NDUFV3: variants seen among roughly 807,000 people sequenced by gnomAD.
The protein encoded by NDUFV3 is NADH dehydrogenase [ubiquinone] flavoprotein 3, mitochondrial.
Under a neutral mutation model 37.5 loss-of-function variants are expected in NDUFV3, and 44 were observed. The ratio of observed to expected loss-of-function variants is 1.17; its 90% CI spans 0.92 to 1.51. The LOEUF (loss-of-function observed/expected upper bound fraction) is 1.51, where lower values mean the gene tolerates loss of function less well. NDUFV3 is among the 40% of genes most tolerant of loss of function. The pLI, the probability that NDUFV3 is intolerant of heterozygous loss-of-function variation, is 0.00. For synonymous variants in NDUFV3, 235 were observed against 239.3 expected (o/e 0.98, Z 0.17); for missense variants, 580 against 580.4 (o/e 1.00, Z 0.01).
At chr21:42,908,737 C>T (rs1355929211) in intron 3 of NDUFV3, 127 bp from the exon 4 acceptor site, 4 of 1,085,058 alleles carry the variant, frequency 3.7e-6, no homozygotes, top group Non-Finnish European at 5.5e-6. Flanking sequence ...CCAAGTCATT[C>T]ATAAAGAGCT....
intron 2 of NDUFV3, among the ~76,000 whole-genome samples, chr21:42,899,358 G>A (rs1217316363): frequency 2.1e-5 from 3 of 140,784 alleles, no homozygotes; most frequent in Non-Finnish European, 4.5e-5. Context: ...CAACCTCTCC[G>A]CCTCCCTGAT....
intron 1 of NDUFV3, 63 bp from the exon 2 acceptor site, chr21:42,896,864 T>C (rs1478633102): frequency 2.0e-6 from 3 of 1,511,682 alleles, no homozygotes; most frequent in African/African-American, 2.8e-5. Flanking sequence ...TATATTCATA[T>C]ATAGTACCAG....
intron 2 of NDUFV3, among the ~76,000 whole-genome samples, chr21:42,899,701 C>T (rs965755122): frequency 2.0e-5 from 3 of 152,170 alleles, no homozygotes; most frequent in Non-Finnish European, 4.4e-5. Flanking sequence ...CCTTGGCCTC[C>T]CAAAGTGCTG....
At chr21:42,897,682 A>C (rs1431498061) in intron 2 of NDUFV3, among the ~76,000 whole-genome samples, 1 of 137,866 alleles carries the variant, frequency 7.3e-6, no homozygotes, top group Non-Finnish European at 1.6e-5. Flanking sequence ...CTAAATCTTT[A>C]ATTCTTTTTT....
chr21:42,894,451 A>G (rs1379585904), intron 1 of NDUFV3, among the ~76,000 whole-genome samples: 2 of 48,656 alleles, frequency 4.1e-5, no homozygotes, highest in Non-Finnish European at 6.5e-5. Context: ...TAATATATAT[A>G]ATATGTTTAT....
chr21:42,893,519 C>T (rs1055471668), intron 1 of NDUFV3, 138 bp downstream of exon 1: 3 of 1,024,942 alleles, frequency 2.9e-6, no homozygotes, highest in Non-Finnish European at 2.9e-6. Flanking sequence ...ACCCCGCTCC[C>T]TGGGCCCAGG....
At chr21:42,906,420 T>C (rs1022737392) in intron 3 of NDUFV3, among the ~76,000 whole-genome samples, 1 of 152,140 alleles carries the variant, frequency 6.6e-6, no homozygotes, top group Non-Finnish European at 1.5e-5. Context: ...TCTATGTGTT[T>C]TCCCCCCTCT....
chr21:42,898,327 G>A (rs986841494), intron 2 of NDUFV3, among the ~76,000 whole-genome samples: 2 of 151,790 alleles, frequency 1.3e-5, no homozygotes, highest in African/African-American at 4.8e-5. Flanking sequence ...CTCTCTCCCA[G>A]GCTGGAGTGC....
chr21:42,903,115 G>A (rs2058723794), intron 2 of NDUFV3, 67 bp from the exon 3 acceptor site: 2 of 1,586,768 alleles, frequency 1.3e-6, no homozygotes, highest in East Asian at 2.3e-5. Flanking sequence ...GTCATGAAAT[G>A]TCTGTAATTT....
At chr21:42,901,825 G>A (rs909279066) in intron 2 of NDUFV3, among the ~76,000 whole-genome samples, 1 of 152,174 alleles carries the variant, frequency 6.6e-6, no homozygotes, top group African/African-American at 2.4e-5. Context: ...GAGAAGCCTG[G>A]ATTTGAACCC....
chr21:42,910,486 GAA>G lies in NDUFV3; in HGVS notation c.*1466_*1467del. The G allele has an allele frequency of 6.6e-6, 1 of 152,598 alleles. No individual in the cohort carries two copies. Among genetic ancestry groups the G allele is most frequent in the East Asian group, 1.9e-4 (1 of 5,190 alleles). The allele number at this position is 152,598 out of a possible 1,614,324, so 9.5% of individuals were successfully genotyped here. On this transcript the variant is annotated 3_prime_UTR_variant, in exon 4 of 4. Coordinates refer to ENST00000354250, the MANE Select transcript of NDUFV3 (RefSeq NM_021075.4). ...TTCATTGGTGAGATTCGGAAGAGGT[GAA>G]GTTTCTTGCAGTACAGGGACGAAGT...
intron 3 of NDUFV3, 120 bp downstream of exon 3, chr21:42,904,396 T>A: frequency 7.2e-7 from 1 of 1,381,580 alleles, no homozygotes; most frequent in Non-Finnish European, 1.0e-6. Context: ...ACTAGAAATA[T>A]GGCCTGTAAC....
chr21:42,902,666 A>G (rs2058721962), intron 2 of NDUFV3, among the ~76,000 whole-genome samples: 1 of 152,196 alleles, frequency 6.6e-6, no homozygotes, highest in Non-Finnish European at 1.5e-5. Flanking sequence ...ACAGTCTCTG[A>G]AAGTCCCCAT....
chr21:42,893,834 TACTG>T (rs996712889), intron 1 of NDUFV3, among the ~76,000 whole-genome samples: 2 of 152,236 alleles, frequency 1.3e-5, no homozygotes, highest in Non-Finnish European at 2.9e-5. Context: ...CTTGGTAACT[TACTG>T]ACAGCCGTTG....
At chr21:42,897,152 C>G in intron 2 of NDUFV3, 105 bp downstream of exon 2, 1 of 1,324,316 alleles carries the variant, frequency 7.6e-7, no homozygotes. Flanking sequence ...GTAATTTATG[C>G]TTCTTCCTTT....
chr21:42,911,438 C>G lies in NDUFV3; in HGVS notation c.*2417C>G, dbSNP rs1268072461. The G allele has an allele frequency of 7.4e-6, 1 of 135,782 alleles. No homozygotes were observed. Among genetic ancestry groups the G allele is most frequent in the Non-Finnish European group, 1.5e-5 (1 of 64,878 alleles). The allele number at this position is 135,782 out of a possible 1,614,324, so 8.4% of individuals were successfully genotyped here. ...CCTAAAATCCACTATGCTAACCCAC[C>G]CTTTTTTTTTTTTTTTTTTTTTTTT... On this transcript the variant is annotated 3_prime_UTR_variant, in exon 4 of 4. Transcript: ENST00000354250.
chr21:42,909,136 C>CTT lies in NDUFV3; in HGVS notation c.*137_*138dup, dbSNP rs36011300. 643 of 434,644 alleles carry CTT rather than the reference C, an allele frequency of 1.5e-3. No individual in the cohort carries two copies. Among genetic ancestry groups the CTT allele is most frequent in the African/African-American group, 3.8e-3 (135 of 35,274 alleles). The allele number at this position is 434,644 out of a possible 1,614,324, so 26.9% of individuals were successfully genotyped here. A position where few individuals can be genotyped will look rare whatever the true frequency, so the allele number is the denominator to read the frequency against. ...TGTGCATAATCGGTTTCACTTTTAC[C>CTT]TTTTTTTTTTTTTTTTTTTTTTTGA... On this transcript the variant is annotated 3_prime_UTR_variant, in exon 4 of 4. Coordinates refer to ENST00000354250, the MANE Select transcript of NDUFV3 (RefSeq NM_021075.4).
chr21:42,894,238 T>G (rs1361456309), intron 1 of NDUFV3, among the ~76,000 whole-genome samples: 1 of 136,156 alleles, frequency 7.3e-6, no homozygotes, highest in Non-Finnish European at 1.5e-5. Flanking sequence ...ACCACTTCAC[T>G]CTCTTACAAA....
intron 1 of NDUFV3, among the ~76,000 whole-genome samples, chr21:42,894,564 T>G (rs866630684): frequency 2.5e-5 from 3 of 119,052 alleles, no homozygotes; most frequent in African/African-American, 1.0e-4. Context: ...TATATATATT[T>G]TTTTTTGAGA....
Sources: allele counts gnomAD v4.1 joint callset (sites outside exome capture counted in the v4.1 genomes callset), GRCh38; gene constraint gnomAD v4.1.1; transcripts MANE v1.5; gene names NCBI Gene and HGNC (gene_info 2026-07-23, HGNC 2026-07-21).